The following MOGAT1 variants were observed in gnomAD, a reference collection of about 807,000 sequenced individuals.
The protein encoded by MOGAT1 is monoacylglycerol O-acyltransferase 1.
Under a neutral mutation model 31.4 loss-of-function variants are expected in MOGAT1, and 32 were observed. The observed-to-expected ratio is 1.02, with a 90% CI of 0.77 to 1.37. The LOEUF (loss-of-function observed/expected upper bound fraction) is 1.37. Among genes scored for constraint, MOGAT1 ranks in the 40% most tolerant of loss-of-function variants. The pLI is 0.00. For missense variants in MOGAT1, 426 were observed against 402.0 expected (o/e 1.06, Z -0.51); for synonymous variants, 145 against 144.5 (o/e 1.00, Z -0.03).
At chr2:222,709,201 C>T in intron 5 of MOGAT1, among the ~76,000 whole-genome samples, 1 of 152,046 alleles carries the variant, frequency 6.6e-6, no homozygotes, top group Non-Finnish European at 1.5e-5. Flanking sequence ...GCCTGTAATC[C>T]CAGCTACTCA....
intron 3 of MOGAT1, among the ~76,000 whole-genome samples, 180 bp from the exon 4 acceptor site, chr2:222,694,182 A>C (rs1483155684): frequency 6.6e-6 from 1 of 152,258 alleles, no homozygotes; most frequent in Admixed American, 6.5e-5. Context: ...ATGTTAACTT[A>C]TTAATAGAAT....
At chr2:222,682,210 C>T (rs1692591820) in intron 1 of MOGAT1, among the ~76,000 whole-genome samples, 1 of 152,166 alleles carries the variant, frequency 6.6e-6, no homozygotes, top group Admixed American at 6.6e-5. Context: ...CATCATAACA[C>T]TTCATCTCTA....
intron 1 of MOGAT1, among the ~76,000 whole-genome samples, chr2:222,678,713 G>T (rs781108725): frequency 3.9e-5 from 6 of 152,162 alleles, no homozygotes; most frequent in Non-Finnish European, 8.8e-5. Context: ...GGCCGAGGCA[G>T]GTGAATCACC....
At chr2:222,697,048 A>G (rs1692846804) in intron 5 of MOGAT1, among the ~76,000 whole-genome samples, 2 of 152,142 alleles carry the variant, frequency 1.3e-5, no homozygotes, top group Admixed American at 1.3e-4. Flanking sequence ...TCAGAAAAAC[A>G]AAAACAAAAA....
intron 1 of MOGAT1, among the ~76,000 whole-genome samples, chr2:222,687,398 T>C (rs1692690690): frequency 6.6e-6 from 1 of 152,180 alleles, no homozygotes; most frequent in African/African-American, 2.4e-5. Context: ...AAAGTCATAG[T>C]AGCTGACATT....
chr2:222,690,128 A>G (rs901848430), intron 3 of MOGAT1, among the ~76,000 whole-genome samples: 45 of 152,180 alleles, frequency 3.0e-4, no homozygotes, highest in African/African-American at 1.1e-3. Context: ...GGTGGCACAC[A>G]TCTGTAGTCC....
intron 3 of MOGAT1, among the ~76,000 whole-genome samples, chr2:222,692,627 G>T (rs1217061773): frequency 6.6e-6 from 1 of 152,146 alleles, no homozygotes; most frequent in African/African-American, 2.4e-5. Flanking sequence ...TGGAGATATG[G>T]GCCTGGAACC....
intron 1 of MOGAT1, among the ~76,000 whole-genome samples, chr2:222,683,599 G>A (rs184519723): frequency 9.6e-4 from 146 of 152,104 alleles, no homozygotes; most frequent in South Asian, 2.1e-3. Flanking sequence ...ATAGTGGCAC[G>A]TGCCTGTAAT....
At chr2:222,709,613 A>G (rs771584669) in intron 5 of MOGAT1, 123 bp from the exon 6 acceptor site, 42 of 805,414 alleles carry the variant, frequency 5.2e-5, no homozygotes, top group Non-Finnish European at 8.2e-5. Flanking sequence ...GGAAACAAGG[A>G]TTGGAGTGAG....
chr2:222,683,402 T>C (rs1692612600), intron 1 of MOGAT1, among the ~76,000 whole-genome samples: 1 of 150,422 alleles, frequency 6.6e-6, no homozygotes, highest in South Asian at 2.1e-4. Flanking sequence ...ATCGCTGGTT[T>C]TTTATGTTAT....
chr2:222,704,565 A>G lies in MOGAT1; in HGVS notation c.854-5171A>G, dbSNP rs1478831872. Among the ~76,000 whole-genome samples the G allele has an allele frequency of 2.6e-5, 4 of 152,118 alleles. No homozygotes were observed. The East Asian group carries it at 7.7e-4, about 29-fold the overall frequency. On this transcript the variant is annotated intron_variant, in intron 5 of 5. Coordinates refer to ENST00000446656, the MANE Select transcript of MOGAT1 (RefSeq NM_058165.3). ...CGTGAACCCGGGAGGCGGAGCTTGCAGTGAGCCGAGATCGCGCCACTGCAC... is the reference window on the plus strand; with the variant it reads ...CGTGAACCCGGGAGGCGGAGCTTGCGGTGAGCCGAGATCGCGCCACTGCAC...
intron 1 of MOGAT1, chr2:222,677,803 A>T (rs1449061931): frequency 3.5e-6 from 1 of 289,566 alleles, no homozygotes; most frequent in Non-Finnish European, 7.0e-6. Flanking sequence ...ATCTACATTC[A>T]TTCTAATCTT....
At chr2:222,685,598 C>CTTTTTTTTTTT (rs574124301) in intron 1 of MOGAT1, among the ~76,000 whole-genome samples, 1 of 120,008 alleles carries the variant, frequency 8.3e-6, no homozygotes, top group Non-Finnish European at 1.7e-5. Flanking sequence ...TCTTCTTCTT[C>CTTTTTTTTTTT]TTTTTTTTTT....
intron 1 of MOGAT1, among the ~76,000 whole-genome samples, chr2:222,687,425 T>C (rs1692690843): frequency 6.6e-6 from 1 of 152,212 alleles, no homozygotes; most frequent in African/African-American, 2.4e-5. Flanking sequence ...AGATTTGCTA[T>C]GTGCCAGGGT....
At chr2:222,693,715 C>A (rs1178689728) in intron 3 of MOGAT1, among the ~76,000 whole-genome samples, 2 of 152,048 alleles carry the variant, frequency 1.3e-5, no homozygotes, top group African/African-American at 4.8e-5. Flanking sequence ...ACGAGAACAG[C>A]ATGAGAAAGA....
chr2:222,703,053 C>A (rs1303776860), intron 5 of MOGAT1, among the ~76,000 whole-genome samples: 2 of 152,118 alleles, frequency 1.3e-5, no homozygotes, highest in African/African-American at 4.8e-5. Flanking sequence ...AAGTTGACAT[C>A]AACCAACAGG....
intron 5 of MOGAT1, among the ~76,000 whole-genome samples, chr2:222,700,408 A>T (rs995028710): frequency 6.6e-6 from 1 of 152,224 alleles, no homozygotes; most frequent in African/African-American, 2.4e-5. Flanking sequence ...TACTTGTCCA[A>T]TGTGCTTCTC....
At chr2:222,681,005 A>G (rs1403983604) in intron 1 of MOGAT1, among the ~76,000 whole-genome samples, 1 of 152,176 alleles carries the variant, frequency 6.6e-6, no homozygotes. Flanking sequence ...CAAGAGAGGG[A>G]AAATCATTAA....
chr2:222,703,155 T>C (rs946740148), intron 5 of MOGAT1, among the ~76,000 whole-genome samples: 2 of 152,092 alleles, frequency 1.3e-5, no homozygotes, highest in African/African-American at 4.8e-5. Context: ...ATATATGAGG[T>C]TGAACAAAGA....
Sources: gnomAD v4.1 joint callset for allele counts (sites outside exome capture counted in the v4.1 genomes callset) on GRCh38, gnomAD v4.1.1 for gene constraint, MANE v1.5 for transcripts, NCBI Gene and HGNC (gene_info 2026-07-23, HGNC 2026-07-21) for gene names.